GOLGA2: variants seen among roughly 807,000 people sequenced by gnomAD.
GOLGA2 encodes golgin A2.
GOLGA2 carries 49 observed loss-of-function variants against 148.8 expected under a neutral mutation model. The ratio of observed to expected loss-of-function variants is 0.33; its 90% CI spans 0.26 to 0.42. GOLGA2 has a LOEUF of 0.42. Among genes scored for constraint, GOLGA2 ranks in the 10% least tolerant of loss-of-function variants. GOLGA2 has a pLI of 1.00. For synonymous variants in GOLGA2, 501 were observed against 511.8 expected (o/e 0.98, Z 0.28); for missense variants, 1,178 against 1,304.6 (o/e 0.90, Z 1.49).
Position 128,260,970 on chromosome 9 carries a change from G to A in GOLGA2, c.1421-168C>T, listed in dbSNP as rs755823179. ...CTTTCCGATAGCGACAACTGTGGGT[G>A]GCTGACAACGGGCACTCCTTCGTCT... is the stretch of plus-strand genomic sequence containing the variant. On this transcript the variant is annotated intron_variant, in intron 17 of 26. Transcript: ENST00000611957. The surrounding 1 kb of genome is among the most constrained non-coding windows in gnomAD (Gnocchi z 4.8). The A allele has an allele frequency of 8.4e-4, 553 of 659,964 alleles. 3 individuals carry two copies. Among genetic ancestry groups the A allele is most frequent in the Non-Finnish European group, 1.3e-3 (479 of 377,124 alleles). The allele number at this position is 659,964 out of a possible 1,614,324, so 40.9% of individuals were successfully genotyped here.
At position 128,259,267 on chromosome 9, in the gene GOLGA2, T is replaced by C; in HGVS notation, c.1997A>G (p.Gln666Arg). The change falls in exon 20 of 27, where the codon CAG becomes CGG. Residue 666 changes from glutamine (Q) to arginine (R), a missense_variant. This residue lies in a region of GOLGA2 where 529 missense variants were observed against 521.8 expected (regional missense o/e 1.01). Transcript: ENST00000611957. ...CACGAGCTGGGTCTGCAGCAGTAGC[T>C]GATTATGCAGCACCTCCTTCTCAGA... ...LTSEKEVLHNQLLLQTQLVDQ... is the reference protein window; with the variant it reads ...LTSEKEVLHNRLLLQTQLVDQ... 1 of 1,611,164 alleles carries C rather than the reference T, an allele frequency of 6.2e-7. No homozygotes were observed.
In GOLGA2 at chr9:128,257,748, C is replaced by T. The variant is rs748188715; in HGVS notation, c.2612-41G>A. On this transcript the variant is annotated intron_variant, in intron 24 of 26. Transcript: ENST00000611957. This position sits in a 1 kb window ranked among gnomAD's most constrained non-coding sequence, Gnocchi z 8.0. ...GCTCAGATGCTGGGTTCCCTCCGAC[C>T]GCTGTGCAGCTCCTCCTGCCGTGCC... 26 of 1,608,956 alleles carry T rather than the reference C, an allele frequency of 1.6e-5. No homozygotes were observed. Among genetic ancestry groups the T allele is most frequent in the East Asian group, 1.6e-4 (7 of 44,834 alleles).
At chr9:128,275,619 G>A (rs1385912292) in intron 1 of GOLGA2, 1 of 810,348 alleles carries the variant, frequency 1.2e-6, no homozygotes, top group Non-Finnish European at 1.8e-6. Flanking sequence ...AGCCCAGGGA[G>A]GTCGGACTTC....
chr9:128,272,067 T>C (rs940463045), intron 3 of GOLGA2, among the ~76,000 whole-genome samples: 2 of 150,674 alleles, frequency 1.3e-5, no homozygotes, highest in African/African-American at 4.9e-5. Flanking sequence ...CACTAACTTC[T>C]AGGTGGTTTA....
intron 3 of GOLGA2, among the ~76,000 whole-genome samples, chr9:128,270,239 C>T (rs548999290): frequency 4.3e-4 from 63 of 147,136 alleles, no homozygotes; most frequent in Admixed American, 2.3e-3. Context: ...GTTCGAGATT[C>T]TCCTGCTTCA....
chr9:128,269,290 A>G (rs1263450663), intron 3 of GOLGA2, among the ~76,000 whole-genome samples: 2 of 151,838 alleles, frequency 1.3e-5, no homozygotes, highest in Non-Finnish European at 2.9e-5. Context: ...AGGGGGAAAA[A>G]AAAAAAGCTG....
chr9:128,270,149 T>TTG (rs143768012), intron 3 of GOLGA2, among the ~76,000 whole-genome samples: 1 of 150,200 alleles, frequency 6.7e-6, no homozygotes, highest in African/African-American at 2.5e-5. Context: ...TTTTTTTTTT[T>TTG]TGAGATGGGA....
At chr9:128,259,814 G>T (rs1015034074) in intron 19 of GOLGA2, among the ~76,000 whole-genome samples, 1 of 152,236 alleles carries the variant, frequency 6.6e-6, no homozygotes, top group East Asian at 1.9e-4. Context: ...AATCTAAGGA[G>T]CCTCTTATGC....
Position 128,266,200 on chromosome 9 carries a change from G to A in GOLGA2, c.681+87C>T. 3 of 1,386,036 alleles carry A rather than the reference G, an allele frequency of 2.2e-6. No homozygotes were observed. The highest frequency in any genetic ancestry group is 3.1e-6 in the Non-Finnish European group (3 of 973,294). The allele number at this position is 1,386,036 out of a possible 1,614,324, so 85.9% of individuals were successfully genotyped here. A position where few individuals can be genotyped will look rare whatever the true frequency, so the allele number is the denominator to read the frequency against. ...GTGAGCCTTCTTCCCCAGGCTGGGA[G>A]TGGGTGAGACGAGACTGAGGCCTCT... On this transcript the variant is annotated intron_variant, in intron 9 of 26. Transcript: ENST00000611957. The surrounding 1 kb of genome is among the most constrained non-coding windows in gnomAD (Gnocchi z 4.2).
intron 13 of GOLGA2, 41 bp from the exon 14 acceptor site, chr9:128,262,745 A>C (rs1312900474): frequency 6.3e-7 from 1 of 1,588,302 alleles, no homozygotes; most frequent in Non-Finnish European, 8.6e-7. Context: ...AACGAAGAAC[A>C]GAAAGGACTG....
In GOLGA2 at chr9:128,268,013, C is replaced by T. The variant is rs769895940; in HGVS notation, c.438-16G>A. ...TGAGAAAGTCCTAGGGATGGAGACA[C>T]AGGGGTCAGGGGTGCAGGTGGCTCA... On this transcript the variant is annotated splice_polypyrimidine_tract_variant and intron_variant, in intron 5 of 26. Coordinates refer to ENST00000611957, the MANE Select transcript of GOLGA2 (RefSeq NM_001366244.2). 2 of 1,612,188 alleles carry T rather than the reference C, an allele frequency of 1.2e-6. No individual in the cohort carries two copies. The highest frequency in any genetic ancestry group is 1.7e-6 in the Non-Finnish European group (2 of 1,178,292).
intron 6 of GOLGA2, 91 bp from the exon 7 acceptor site, chr9:128,267,608 T>C: frequency 1.0e-6 from 1 of 981,928 alleles, no homozygotes; most frequent in Non-Finnish European, 1.6e-6. Context: ...TTGGCAACAT[T>C]TTCTTTTCTA....
chr9:128,264,823 T>C (rs974765156), intron 12 of GOLGA2, among the ~76,000 whole-genome samples: 1 of 152,238 alleles, frequency 6.6e-6, no homozygotes, highest in African/African-American at 2.4e-5. Flanking sequence ...TGAACCTTTA[T>C]TGAATGCTTC....
Position 128,258,168 on chromosome 9 carries a change from C to T in GOLGA2, c.2320G>A (p.Ala774Thr). The T allele has an allele frequency of 6.2e-7, 1 of 1,602,142 alleles. No homozygotes were observed. The change falls in exon 23 of 27, where the codon GCC becomes ACC. Residue 774 changes from alanine to threonine, a missense_variant. Transcript: ENST00000611957. The surrounding 1 kb of genome is among the most constrained non-coding windows in gnomAD (Gnocchi z 6.6). ...VAFFNSAVAS[A>T]EEEQARLRGQ... is the part of the protein sequence containing the mutation. ...CGTAGCCTTGCCTGCTCCTCCTCGGCACTGGCTACAGCTGAGTTGAAAAAT... is the reference window on the plus strand; with the variant it reads ...CGTAGCCTTGCCTGCTCCTCCTCGGTACTGGCTACAGCTGAGTTGAAAAAT...
chr9:128,261,932 G>A lies in GOLGA2; in HGVS notation c.1135-175C>T, dbSNP rs954100498. 3.4e-6 allele frequency: 2 copies of A among 585,714 alleles called. No homozygotes were observed. The highest frequency in any genetic ancestry group is 6.1e-6 in the Non-Finnish European group (2 of 329,434). 36.3% of individuals were successfully genotyped at this position (585,714 alleles called of 1,614,324 possible). ...TTTAAAAAGATCTCAGGCCAGGCAT[G>A]GTGGCTGATGCCTGTAATCTCAACA... On this transcript the variant is annotated intron_variant, in intron 14 of 26. Coordinates refer to ENST00000611957, the MANE Select transcript of GOLGA2 (RefSeq NM_001366244.2). This position sits in a 1 kb window ranked among gnomAD's most constrained non-coding sequence, Gnocchi z 5.7.
At position 128,258,823 on chromosome 9, in the gene GOLGA2, A is replaced by T. The variant is rs1275604362; in HGVS notation, c.2173+184T>A. ...GACCTGGGCCAGTTCACCCATCCTT[A>T]GGTAAGCTGGTAGTGCCCTGCTCCC... On this transcript the variant is annotated intron_variant, in intron 21 of 26. Coordinates refer to ENST00000611957, the MANE Select transcript of GOLGA2 (RefSeq NM_001366244.2). This position sits in a 1 kb window ranked among gnomAD's most constrained non-coding sequence, Gnocchi z 6.6. 4 of 625,576 alleles carry T rather than the reference A, an allele frequency of 6.4e-6. No homozygotes were observed. The highest frequency in any genetic ancestry group is 1.1e-5 in the Non-Finnish European group (4 of 355,756). The allele number at this position is 625,576 out of a possible 1,614,324, so 38.8% of individuals were successfully genotyped here.
Position 128,258,217 on chromosome 9 carries a change from C to T in GOLGA2, c.2290-19G>A, listed in dbSNP as rs1830025774. ...ATGCCACCTGCAGGCAAGAGGGGTGCATTCTTGTAGGAGGATATATAGGAT... is the reference window on the plus strand; with the variant it reads ...ATGCCACCTGCAGGCAAGAGGGGTGTATTCTTGTAGGAGGATATATAGGAT... On this transcript the variant is annotated intron_variant, in intron 22 of 26. Coordinates refer to ENST00000611957, the MANE Select transcript of GOLGA2 (RefSeq NM_001366244.2). This position sits in a 1 kb window ranked among gnomAD's most constrained non-coding sequence, Gnocchi z 6.6. The T allele has an allele frequency of 5.2e-6, 8 of 1,551,342 alleles. No individual in the cohort carries two copies. Among genetic ancestry groups the T allele is most frequent in the Non-Finnish European group, 6.1e-6 (7 of 1,143,824 alleles).
chr9:128,269,333 G>A (rs578213891), intron 3 of GOLGA2, among the ~76,000 whole-genome samples: 3 of 151,104 alleles, frequency 2.0e-5, no homozygotes, highest in Admixed American at 2.0e-4. Flanking sequence ...ACTCTCTGGA[G>A]GTAAAAAGAG....
chr9:128,262,203 G>T (rs965383042), intron 14 of GOLGA2, among the ~76,000 whole-genome samples: 13 of 141,602 alleles, frequency 9.2e-5, no homozygotes, highest in Non-Finnish European at 1.5e-4. Flanking sequence ...AAAAAAAAAA[G>T]ATCTCTACTC....
Sources: allele counts gnomAD v4.1 joint callset (sites outside exome capture counted in the v4.1 genomes callset), GRCh38; gene constraint gnomAD v4.1.1; regional missense constraint gnomAD v4.1.1; non-coding constraint Gnocchi (gnomAD v3.1); transcripts MANE v1.5; gene names NCBI Gene and HGNC (gene_info 2026-07-23, HGNC 2026-07-21).